Variants in TMPRSS15 observed in about 807,000 individuals in gnomAD.
The protein encoded by TMPRSS15 is enteropeptidase.
A neutral mutation model predicts 125.3 loss-of-function variants in TMPRSS15; 128 were observed. The ratio of observed to expected loss-of-function variants is 1.02; its 90% confidence interval spans 0.89 to 1.18. The LOEUF is 1.18. Ranked by LOEUF, TMPRSS15 falls within the 50% of genes most tolerant of loss-of-function variation. TMPRSS15 has a pLI of 0.00. For missense variants in TMPRSS15, 1,283 were observed against 1,212.7 expected (o/e 1.06, Z -0.86); for synonymous variants, 446 against 423.2 (o/e 1.05, Z -0.66).
intron 4 of TMPRSS15, among the ~76,000 whole-genome samples, chr21:18,382,786 A>G (rs968911619): frequency 2.9e-4 from 44 of 152,166 alleles, no homozygotes; most frequent in Admixed American, 2.7e-3. Context: ...GCAAATTACT[A>G]CTGTTCTCAA....
At chr21:18,324,713 A>G (rs1226039038) in intron 16 of TMPRSS15, among the ~76,000 whole-genome samples, 1 of 152,142 alleles carries the variant, frequency 6.6e-6, no homozygotes, top group Non-Finnish European at 1.5e-5. Flanking sequence ...TTTACTTTCT[A>G]TATAACAGTA....
At chr21:18,465,109 C>T (rs942951449) in intron 1 of TMPRSS15, among the ~76,000 whole-genome samples, 2 of 152,100 alleles carry the variant, frequency 1.3e-5, no homozygotes, top group Non-Finnish European at 2.9e-5. Context: ...GTTCAACATA[C>T]ACAAATCAAT....
In TMPRSS15 at chr21:18,352,884, T is replaced by A. The variant is rs371766186; in HGVS notation, c.1171+19A>T. 1 of 1,610,884 alleles carries A rather than the reference T, an allele frequency of 6.2e-7. No homozygotes were observed. Among genetic ancestry groups the A allele is most frequent in the Non-Finnish European group, 8.5e-7 (1 of 1,177,696 alleles). On this transcript the variant is annotated intron_variant, in intron 10 of 24. Transcript: ENST00000284885. ...TATGAATTAAAATCCTTTTGACTTC[T>A]GAATTAAATGAATTATACCTGAAGC...
intron 17 of TMPRSS15, among the ~76,000 whole-genome samples, chr21:18,314,276 C>T (rs374137172): frequency 2.4e-4 from 36 of 152,072 alleles, no homozygotes; most frequent in Middle Eastern, 3.4e-3. Flanking sequence ...AAACTATAGC[C>T]GATTATTTTT....
chr21:18,299,874 T>G (rs1270764815), intron 18 of TMPRSS15, among the ~76,000 whole-genome samples: 2 of 152,184 alleles, frequency 1.3e-5, no homozygotes, highest in African/African-American at 4.8e-5. Flanking sequence ...CTATCTGTAT[T>G]TCACCAAGCC....
At position 18,326,550 on chromosome 21, in the gene TMPRSS15, T is replaced by C. The variant is rs758146315; in HGVS notation, c.1803A>G (p.Pro601=). 2.5e-6 allele frequency: 4 copies of C among 1,614,140 alleles called. No individual in the cohort carries two copies. Among genetic ancestry groups the C allele is most frequent in the Admixed American group, 3.3e-5 (2 of 60,026 alleles). The stretch of plus-strand genomic sequence containing the variant: ...TGGTGGTAGAGAACACATCCTTTAC[T>C]GGGCCAGGCCCTGTGTACACAGCTG... ...LLLAVYTGPG[P]VKDVFSTTNR... The change falls in exon 16 of 25, where the codon CCA becomes CCG. Residue 601 remains proline (P), a synonymous_variant. Coordinates refer to ENST00000284885, the MANE Select transcript of TMPRSS15 (RefSeq NM_002772.3).
chr21:18,286,824 G>A (rs1484774730), intron 21 of TMPRSS15, among the ~76,000 whole-genome samples: 11 of 152,122 alleles, frequency 7.2e-5, no homozygotes, highest in Non-Finnish European at 1.5e-4. Flanking sequence ...TTCCAGTCTC[G>A]TCACTGCCGC....
intron 13 of TMPRSS15, among the ~76,000 whole-genome samples, chr21:18,334,381 C>T (rs1420111804): frequency 2.6e-5 from 4 of 152,080 alleles, no homozygotes; most frequent in African/African-American, 9.7e-5. Flanking sequence ...AAATGTTTTA[C>T]CAAATCTTGC....
At position 18,353,787 on chromosome 21, in the gene TMPRSS15, A is replaced by G. The variant is rs761048882; in HGVS notation, c.957T>C (p.Ser319=). The G allele has an allele frequency of 2.7e-5, 44 of 1,611,788 alleles. No homozygotes were observed. The highest frequency in any genetic ancestry group is 3.7e-5 in the Non-Finnish European group (44 of 1,178,504). The part of the protein sequence containing the change: ...NQVTATFLIE[S]DESDYVGFNA... ...TAAAGCCAACATAATCACTTTCATC[A>G]GATTCTATAAGAAAGGTGGCAGTAA... The change falls in exon 9 of 25, where the codon TCT becomes TCC. Residue 319 remains serine (S), a synonymous_variant. Transcript: ENST00000284885.
intron 1 of TMPRSS15, among the ~76,000 whole-genome samples, chr21:18,422,080 T>C (rs893849907): frequency 6.6e-6 from 1 of 151,210 alleles, no homozygotes; most frequent in African/African-American, 2.4e-5. Flanking sequence ...GCCTCCCAGG[T>C]TCAAACGATT....
At chr21:18,409,803 A>G (rs1310499051) in intron 1 of TMPRSS15, among the ~76,000 whole-genome samples, 12 of 150,316 alleles carry the variant, frequency 8.0e-5, no homozygotes, top group Non-Finnish European at 1.8e-4. Flanking sequence ...AATATTTTCT[A>G]TACAATCTCC....
chr21:18,345,951 T>A (rs1330546018), intron 10 of TMPRSS15, among the ~76,000 whole-genome samples: 1 of 151,724 alleles, frequency 6.6e-6, no homozygotes, highest in Non-Finnish European at 1.5e-5. Context: ...TATTTGGAGT[T>A]TTCAGTATGA....
At chr21:18,435,615 G>T (rs545727542) in intron 1 of TMPRSS15, among the ~76,000 whole-genome samples, 34 of 152,240 alleles carry the variant, frequency 2.2e-4, no homozygotes, top group African/African-American at 8.2e-4. Context: ...GTCTCTGCCT[G>T]GCTTTGGTAT....
chr21:18,394,178 A>G (rs1287395244), intron 3 of TMPRSS15, among the ~76,000 whole-genome samples: 1 of 152,168 alleles, frequency 6.6e-6, no homozygotes, highest in Non-Finnish European at 1.5e-5. Flanking sequence ...ACAATATTTT[A>G]TATTTTCATC....
chr21:18,461,237 C>A (rs1408749095), intron 1 of TMPRSS15, among the ~76,000 whole-genome samples: 2 of 152,158 alleles, frequency 1.3e-5, no homozygotes, highest in South Asian at 2.1e-4. Context: ...ACTCCTCTTT[C>A]GTACACTTCC....
At position 18,294,344 on chromosome 21, in the gene TMPRSS15, A is replaced by G. The variant is rs760633326; in HGVS notation, c.2412T>C (p.Tyr804=). Residue 804 remains tyrosine, a synonymous_variant, in exon 21 of 25, where the codon TAT becomes TAC. Coordinates refer to ENST00000284885, the MANE Select transcript of TMPRSS15 (RefSeq NM_002772.3). ...ATGCGCCGCAGAGCAGTCGGCCGCC[A>G]TAATACAGACCCACAACCCAGGGCC... is the stretch of plus-strand genomic sequence containing the variant. ...GAWPWVVGLY[Y]GGRLLCGASL... is the part of the protein sequence containing the mutation. 3.1e-6 allele frequency: 5 copies of G among 1,614,266 alleles called. No homozygotes were observed. The highest frequency in any genetic ancestry group is 4.2e-6 in the Non-Finnish European group (5 of 1,180,050).
chr21:18,423,208 G>A (rs1432294147), intron 1 of TMPRSS15, among the ~76,000 whole-genome samples: 1 of 152,088 alleles, frequency 6.6e-6, no homozygotes, highest in Non-Finnish European at 1.5e-5. Flanking sequence ...TTTAGGTCCA[G>A]ATTTTATTCA....
intron 21 of TMPRSS15, among the ~76,000 whole-genome samples, chr21:18,282,464 T>G (rs1409072355): frequency 6.6e-6 from 1 of 152,192 alleles, no homozygotes; most frequent in Non-Finnish European, 1.5e-5. Context: ...ATTTAAATAT[T>G]AAAGTCCAAG....
intron 8 of TMPRSS15, among the ~76,000 whole-genome samples, chr21:18,355,936 T>C (rs2075620209): frequency 6.6e-6 from 1 of 151,774 alleles, no homozygotes; most frequent in African/African-American, 2.4e-5. Flanking sequence ...TAATAGAATT[T>C]GCCTACATAA....
Sources: gnomAD v4.1 joint callset for allele counts (sites outside exome capture counted in the v4.1 genomes callset) on GRCh38, gnomAD v4.1.1 for gene constraint, MANE v1.5 for transcripts, NCBI Gene and HGNC (gene_info 2026-07-23, HGNC 2026-07-21) for gene names.